The following PKD1L1 variants were observed in gnomAD, a reference collection of about 807,000 sequenced individuals.
The protein encoded by PKD1L1 is polycystin-1-like protein 1.
A neutral mutation model predicts 323.4 loss-of-function variants in PKD1L1; 236 were observed. The observed-to-expected ratio is 0.73, with a 90% confidence interval of 0.66 to 0.81. The LOEUF (loss-of-function observed/expected upper bound fraction) is 0.81, where lower values mean the gene tolerates loss of function less well. PKD1L1 is among the 40% of genes least tolerant of loss of function. The pLI is 0.00. For missense variants in PKD1L1, 3,320 were observed against 3,508.0 expected (o/e 0.95, Z 1.35); for synonymous variants, 1,344 against 1,335.0 (o/e 1.01, Z -0.15).
chr7:47,835,904 A>G (rs538483626), intron 37 of PKD1L1, among the ~76,000 whole-genome samples: 2 of 152,094 alleles, frequency 1.3e-5, no homozygotes, highest in South Asian at 4.2e-4. Flanking sequence ...CCGAGCACCC[A>G]CTCTCTACCA....
At chr7:47,945,625 C>T (rs1254805522) in intron 1 of PKD1L1, among the ~76,000 whole-genome samples, 2 of 152,110 alleles carry the variant, frequency 1.3e-5, no homozygotes, top group Non-Finnish European at 2.9e-5. Context: ...ATCATACAGA[C>T]CAGACCAGAT....
At position 47,941,537 on chromosome 7, in the gene PKD1L1, T is replaced by G. The variant is rs186844112; in HGVS notation, c.161-1220A>C. On this transcript the variant is annotated intron_variant, in intron 2 of 56. Coordinates refer to ENST00000289672, the MANE Select transcript of PKD1L1 (RefSeq NM_138295.5). Reference sequence around the variant, plus strand: ...ATTTACTGTCAAGAGTCCAGTGTATTAATATCTTGTGATAACAAAAGCTGA... The same window carrying G: ...ATTTACTGTCAAGAGTCCAGTGTATGAATATCTTGTGATAACAAAAGCTGA... Among the ~76,000 whole-genome samples the G allele has an allele frequency of 2.0e-5, 3 of 152,342 alleles. No individual in the cohort carries two copies. In the East Asian group the frequency reaches 5.8e-4, roughly 29 times the overall value.
chr7:47,807,963 C>T lies in PKD1L1; in HGVS notation c.7827+284G>A, dbSNP rs7811004. Reference sequence around the variant, plus strand: ...CTCCTTCCTCCATGCTGCATCAACACCTGCTTCCTGTGCCCCTTAGCGTCC... The same window carrying T: ...CTCCTTCCTCCATGCTGCATCAACATCTGCTTCCTGTGCCCCTTAGCGTCC... On this transcript the variant is annotated intron_variant, in intron 52 of 56. Transcript: ENST00000289672. 2.1e-3 allele frequency among the ~76,000 whole-genome samples: 314 copies of T among 152,250 alleles called. 3 individuals carry two copies. The highest frequency in any genetic ancestry group is 7.3e-3 in the African/African-American group (302 of 41,542).
chr7:47,933,300 T>C (rs1406648504), intron 4 of PKD1L1, among the ~76,000 whole-genome samples: 3 of 152,222 alleles, frequency 2.0e-5, no homozygotes, highest in Non-Finnish European at 4.4e-5. Context: ...GTTATTTCTG[T>C]AAACCAACGA....
At chr7:47,888,599 G>A (rs999882347) in intron 16 of PKD1L1, among the ~76,000 whole-genome samples, 1 of 152,186 alleles carries the variant, frequency 6.6e-6, no homozygotes, top group Non-Finnish European at 1.5e-5. Flanking sequence ...AACTTTCCCC[G>A]TGGCCGTCCA....
rs555355892 is a variant in PKD1L1, at chr7:47,943,325, T to C, written c.160+71A>G. ...AAATGAAATTCCCATGTGGAAGATGTCCTGTTTATACCAGGGAAATAAAGC... is the reference window on the plus strand; with the variant it reads ...AAATGAAATTCCCATGTGGAAGATGCCCTGTTTATACCAGGGAAATAAAGC... On this transcript the variant is annotated intron_variant, in intron 2 of 56. Transcript: ENST00000289672. 9.3e-5 allele frequency: 114 copies of C among 1,219,708 alleles called. 3 individuals carry two copies. In the South Asian group the frequency reaches 1.4e-3, roughly 15 times the overall value. 75.6% of individuals were successfully genotyped at this position (1,219,708 alleles called of 1,614,324 possible).
intron 7 of PKD1L1, among the ~76,000 whole-genome samples, chr7:47,920,921 C>T (rs958560965): frequency 6.6e-6 from 1 of 152,142 alleles, no homozygotes; most frequent in South Asian, 2.1e-4. Context: ...AAATCTAAGA[C>T]CTGAAACTGT....
intron 19 of PKD1L1, among the ~76,000 whole-genome samples, chr7:47,884,126 A>G (rs558941309): frequency 6.7e-6 from 1 of 149,196 alleles, no homozygotes; most frequent in East Asian, 2.0e-4. Context: ...CCTGCTTCCC[A>G]GAGGAGGGAA....
intron 37 of PKD1L1, among the ~76,000 whole-genome samples, chr7:47,836,137 T>G (rs1032458369): frequency 6.6e-5 from 10 of 152,352 alleles, no homozygotes; most frequent in Middle Eastern, 3.4e-3. Context: ...TATCCTCTTT[T>G]TACAAATTCT....
intron 26 of PKD1L1, among the ~76,000 whole-genome samples, chr7:47,861,495 G>A (rs949478678): frequency 3.7e-4 from 57 of 152,150 alleles, no homozygotes; most frequent in African/African-American, 1.4e-3. Context: ...GGGGCATCCC[G>A]AATGCCTACA....
At position 47,940,302 on chromosome 7, in the gene PKD1L1, T is replaced by A. The variant is rs1217061624; in HGVS notation, c.176A>T (p.His59Leu). ...GGLWVEVYAN[H>L]VLLMSDGKCG... Reference sequence around the variant, plus strand: ...CTTCCCATCACTCATAAGAAGCACATGATTAGCATAGACCTCTAGAGAAAA... The same window carrying A: ...CTTCCCATCACTCATAAGAAGCACAAGATTAGCATAGACCTCTAGAGAAAA... The change falls in exon 3 of 57, where the codon CAT becomes CTT. Residue 59 changes from histidine to leucine, a missense_variant. Physicochemically the swap from His to Leu is moderately conservative, Grantham distance 99. Transcript: ENST00000289672. The A allele has an allele frequency of 1.2e-6, 2 of 1,613,520 alleles. No individual in the cohort carries two copies. Among genetic ancestry groups the A allele is most frequent in the Non-Finnish European group, 1.7e-6 (2 of 1,179,840 alleles).
intron 27 of PKD1L1, among the ~76,000 whole-genome samples, chr7:47,858,037 G>T (rs1785943886): frequency 6.6e-6 from 1 of 152,136 alleles, no homozygotes; most frequent in Admixed American, 6.5e-5. Flanking sequence ...TAATGATGAT[G>T]ATTATTAGTA....
chr7:47,854,258 C>G (rs567532327), intron 30 of PKD1L1, among the ~76,000 whole-genome samples: 7 of 152,238 alleles, frequency 4.6e-5, no homozygotes, highest in African/African-American at 1.7e-4. Flanking sequence ...CAACCAGGAG[C>G]AGTAGAACAG....
At chr7:47,814,410 A>G (rs1234660843) in intron 47 of PKD1L1, among the ~76,000 whole-genome samples, 1 of 152,224 alleles carries the variant, frequency 6.6e-6, no homozygotes, top group African/African-American at 2.4e-5. Context: ...GACAGAGAAT[A>G]GCTCTGTTGC....
rs180868472 is a variant in PKD1L1, at chr7:47,791,353, C to T, written c.8526+1274G>A. 1.6e-4 allele frequency among the ~76,000 whole-genome samples: 24 copies of T among 152,038 alleles called. No individual in the cohort carries two copies. The East Asian group carries it at 4.6e-3, about 29-fold the overall frequency. ...ATTCTCTTTTCTGTGAATCTATTTG[C>T]TTTATTTTTTTCTTTTCCATTTCTT... On this transcript the variant is annotated intron_variant, in intron 56 of 56. Transcript: ENST00000289672.
intron 33 of PKD1L1, among the ~76,000 whole-genome samples, chr7:47,844,616 A>T (rs1785627351): frequency 6.6e-6 from 1 of 152,228 alleles, no homozygotes; most frequent in African/African-American, 2.4e-5. Context: ...AGCTATTAAT[A>T]ATTAGGCTGT....
intron 56 of PKD1L1, among the ~76,000 whole-genome samples, chr7:47,789,478 G>A (rs976527066): frequency 1.3e-5 from 2 of 151,992 alleles, no homozygotes; most frequent in Non-Finnish European, 2.9e-5. Context: ...TTCATCTCTT[G>A]GATTACTTCA....
At chr7:47,933,732 GAATAAATA>G (rs377029485) in intron 4 of PKD1L1, among the ~76,000 whole-genome samples, 1 of 151,842 alleles carries the variant, frequency 6.6e-6, no homozygotes, top group Non-Finnish European at 1.5e-5. Context: ...ATATTTTGTT[GAATAAATA>G]AATAAATAAA....
At chr7:47,898,397 A>G (rs1787006723) in intron 13 of PKD1L1, among the ~76,000 whole-genome samples, 1 of 152,214 alleles carries the variant, frequency 6.6e-6, no homozygotes, top group African/African-American at 2.4e-5. Flanking sequence ...AGGTTAAAAA[A>G]AAACCAACTA....
Sources: gnomAD v4.1 joint callset for allele counts (sites outside exome capture counted in the v4.1 genomes callset) on GRCh38, gnomAD v4.1.1 for gene constraint, MANE v1.5 for transcripts, NCBI Gene and HGNC (gene_info 2026-07-23, HGNC 2026-07-21) for gene names.